The following TRIM37 variants were observed in gnomAD, a reference collection of about 807,000 sequenced individuals.
TRIM37 encodes the protein E3 ubiquitin-protein ligase TRIM37.
A neutral mutation model predicts 129.8 loss-of-function variants in TRIM37; 80 were observed. The ratio of observed to expected loss-of-function variants is 0.62; its 90% CI spans 0.51 to 0.74. The LOEUF is 0.74. Ranked by LOEUF, TRIM37 falls within the 30% of genes least tolerant of loss-of-function variation. TRIM37 has a pLI of 0.00. For synonymous variants in TRIM37, 389 were observed against 387.1 expected, an observed-to-expected ratio of 1.00 and a Z score of -0.06; for missense variants, 1,054 against 1,176.5, an observed-to-expected ratio of 0.90 and a Z score of 1.52.
At chr17:59,102,179 A>G (rs1453286749) in intron 2 of TRIM37, among the ~76,000 whole-genome samples, 5 of 152,220 alleles carry the variant, frequency 3.3e-5, no homozygotes, top group African/African-American at 7.2e-5. Flanking sequence ...AAAGTAAATC[A>G]AATTTCCCAA....
At chr17:59,097,527 C>G (rs2045017726) in intron 2 of TRIM37, among the ~76,000 whole-genome samples, 1 of 151,672 alleles carries the variant, frequency 6.6e-6, no homozygotes, top group African/African-American at 2.4e-5. Flanking sequence ...TTTGCAACAG[C>G]ATCAAAAGGA....
chr17:58,996,828 G>A (rs1439807759), downstream of TRIM37, among the ~76,000 whole-genome samples: 1 of 149,174 alleles, frequency 6.7e-6, no homozygotes, highest in Non-Finnish European at 1.5e-5. Context: ...GTGTATGTAT[G>A]TATATATATG....
intron 2 of TRIM37, among the ~76,000 whole-genome samples, chr17:59,091,953 TC>T (rs1237537404): frequency 2.0e-5 from 3 of 151,874 alleles, no homozygotes; most frequent in Non-Finnish European, 4.4e-5. Context: ...ATGATTTATT[TC>T]TATCTAGTTT....
chr17:59,063,779 G>A (rs1300842051), intron 10 of TRIM37, among the ~76,000 whole-genome samples: 2 of 152,212 alleles, frequency 1.3e-5, no homozygotes, highest in Non-Finnish European at 2.9e-5. Flanking sequence ...TCTGAGGATA[G>A]GTAAGAGGGG....
intron 21 of TRIM37, among the ~76,000 whole-genome samples, chr17:59,014,036 A>G (rs1210054476): frequency 6.6e-6 from 1 of 152,228 alleles, no homozygotes; most frequent in East Asian, 1.9e-4. Context: ...GACTAAAGGC[A>G]GATAAAAATA....
rs1459517322 is a variant in TRIM37 at position 59,104,368 on chromosome 17, G to A, written c.48C>T (p.Phe16=). The change falls in exon 2 of 24, where the codon TTC becomes TTT. Residue 16 remains phenylalanine (F), a synonymous_variant. Coordinates refer to ENST00000262294, the MANE Select transcript of TRIM37 (RefSeq NM_015294.6). ...CATCCCGCAATTTCTCCATACAAAT[G>A]AAACATCGGAAAACCTCAGCAATGC... The part of the protein sequence containing the change: ...VESIAEVFRC[F]ICMEKLRDAR... The A allele has an allele frequency of 1.2e-6, 2 of 1,614,154 alleles. No individual in the cohort carries two copies. Among genetic ancestry groups the A allele is most frequent in the Non-Finnish European group, 1.7e-6 (2 of 1,180,020 alleles).
Position 59,106,557 on chromosome 17 carries a change from A to G in TRIM37, c.-96T>C. The G allele has an allele frequency of 2.0e-6, 3 of 1,496,160 alleles. No individual in the cohort carries two copies. Among genetic ancestry groups the G allele is most frequent in the Non-Finnish European group, 9.2e-7 (1 of 1,088,508 alleles). The allele number at this position is 1,496,160 out of a possible 1,614,324, so 92.7% of individuals were successfully genotyped here. ...GAGGTCGCCAGATCAAATCGCCGAT[A>G]AAAGCCCGGCGCCCACGTCAGGGGG... On this transcript the variant is annotated 5_prime_UTR_variant, in exon 1 of 24. Transcript: ENST00000262294.
the TRIM37 span, among the ~76,000 whole-genome samples, chr17:58,976,523 A>G: frequency 2.6e-5 from 4 of 152,236 alleles, no homozygotes; most frequent in African/African-American, 9.6e-5. Context: ...AATGATACTT[A>G]TAAAAATGAA....
intron 13 of TRIM37, among the ~76,000 whole-genome samples, chr17:59,055,800 G>C (rs563356818): frequency 8.9e-4 from 135 of 151,966 alleles, no homozygotes; most frequent in African/African-American, 3.1e-3. Flanking sequence ...GGAGGGAGAG[G>C]ATAAGAAAAA....
chr17:59,005,529 C>T lies in TRIM37; in HGVS notation c.2696-3815G>A, dbSNP rs151206042. On this transcript the variant is annotated intron_variant, in intron 22 of 23. Coordinates refer to ENST00000262294, the MANE Select transcript of TRIM37 (RefSeq NM_015294.6). The stretch of plus-strand genomic sequence containing the variant: ...CGAACTCCTGACCTTGTGATCTACC[C>T]GCTTCGGCCTCCCAAAGTGCTGGGA... Among the ~76,000 whole-genome samples, 864 of 152,294 alleles carry T rather than the reference C, an allele frequency of 5.7e-3. 5 individuals are homozygous for T. Among genetic ancestry groups the T allele is most frequent in the South Asian group, 0.016 (79 of 4,828 alleles).
intron 1 of TRIM37, among the ~76,000 whole-genome samples, chr17:59,104,850 G>GTAATCCTCCCAAA (rs1170112574): frequency 4.6e-5 from 7 of 152,080 alleles, no homozygotes; most frequent in Non-Finnish European, 7.4e-5. Flanking sequence ...CTAGCACTTT[G>GTAATCCTCCCAAA]GGAGGCTGAG....
At chr17:59,078,265 A>G (rs1460746086) in intron 7 of TRIM37, among the ~76,000 whole-genome samples, 2 of 152,004 alleles carry the variant, frequency 1.3e-5, no homozygotes, top group African/African-American at 4.8e-5. Flanking sequence ...AAAGAATCCT[A>G]TTTAATCATA....
In TRIM37 at chr17:59,028,434, G is replaced by A; in HGVS notation, c.2238C>T (p.Ala746=). The stretch of plus-strand genomic sequence containing the variant: ...ACTTACAGTTTCGTATGTAACAATT[G>A]GCAACTGATGACTTTGCCAGGAGTT... ...GMELLAKSSV[A]NCYIRNSTNK... Residue 746 remains alanine (A), a synonymous_variant, in exon 19 of 24, where the codon GCC becomes GCT. Coordinates refer to ENST00000262294, the MANE Select transcript of TRIM37 (RefSeq NM_015294.6). 1 of 1,613,068 alleles carries A rather than the reference G, an allele frequency of 6.2e-7. No individual in the cohort carries two copies. Among genetic ancestry groups the A allele is most frequent in the Non-Finnish European group, 8.5e-7 (1 of 1,180,020 alleles).
downstream of TRIM37, chr17:58,979,914 G>A: frequency 3.7e-6 from 5 of 1,365,080 alleles, no homozygotes; most frequent in African/African-American, 2.9e-5. Flanking sequence ...GGTCATAAAC[G>A]TTCTTAGCAT....
the TRIM37 span, among the ~76,000 whole-genome samples, chr17:58,973,561 TC>T: frequency 6.6e-6 from 1 of 151,908 alleles, no homozygotes; most frequent in Non-Finnish European, 1.5e-5. Context: ...ACGCCTGTAA[TC>T]CCAGCACTTT....
At chr17:59,094,229 T>C (rs551680166) in intron 2 of TRIM37, among the ~76,000 whole-genome samples, 1 of 152,228 alleles carries the variant, frequency 6.6e-6, no homozygotes, top group South Asian at 2.1e-4. Context: ...AAAATAAATA[T>C]GACAATGTTA....
chr17:59,073,167 T>C (rs1003630740), intron 8 of TRIM37: 10 of 152,264 alleles, frequency 6.6e-5, no homozygotes, highest in African/African-American at 2.4e-4. Context: ...ATTATCACTA[T>C]ACATGTGTTT....
chr17:58,969,432 C>G, the TRIM37 span: 1 of 1,054,780 alleles, frequency 9.5e-7, no homozygotes, highest in Non-Finnish European at 1.5e-6. Context: ...TTCTGAATGA[C>G]AAATGCAGTG....
intron 9 of TRIM37, among the ~76,000 whole-genome samples, chr17:59,065,146 A>G (rs1432537463): frequency 6.6e-6 from 1 of 152,200 alleles, no homozygotes; most frequent in African/African-American, 2.4e-5. Flanking sequence ...AACTAAGTAC[A>G]AGAAATACAC....
Sources: allele counts gnomAD v4.1 joint callset (sites outside exome capture counted in the v4.1 genomes callset), GRCh38; gene constraint gnomAD v4.1.1; transcripts MANE v1.5; gene names NCBI Gene and HGNC (gene_info 2026-07-23, HGNC 2026-07-21).